Variants in CNTNAP2 observed in about 807,000 individuals in gnomAD.
The protein encoded by CNTNAP2 is contactin associated protein 2, also known as contactin-associated protein-like 2.
In CNTNAP2, 98 loss-of-function variants were observed where a neutral mutation model predicts 155.2. The observed-to-expected ratio is 0.63, with a 90% CI of 0.54 to 0.75. The LOEUF is 0.75. CNTNAP2 is among the 30% of genes least tolerant of loss of function. The pLI, the probability that CNTNAP2 is intolerant of heterozygous loss-of-function variation, is 0.00. For missense variants in CNTNAP2, 1,727 were observed against 1,688.1 expected, an observed-to-expected ratio of 1.02 and a Z score of -0.40; for synonymous variants, 651 against 631.2, an observed-to-expected ratio of 1.03 and a Z score of -0.47.
intron 14 of CNTNAP2, among the ~76,000 whole-genome samples, chr7:147,969,664 A>G (rs2116853308): frequency 6.6e-6 from 1 of 152,302 alleles, no homozygotes; most frequent in East Asian, 1.9e-4. Flanking sequence ...AGGATACAGA[A>G]AGATGGAGCT....
At chr7:146,159,451 G>T (rs943267379) in intron 1 of CNTNAP2, among the ~76,000 whole-genome samples, 1 of 152,062 alleles carries the variant, frequency 6.6e-6, no homozygotes, top group African/African-American at 2.4e-5. Context: ...CTGGCAAATT[G>T]GATAAAGAGT....
intron 11 of CNTNAP2, among the ~76,000 whole-genome samples, chr7:147,504,627 T>C (rs866332876): frequency 3.7e-4 from 56 of 150,334 alleles, no homozygotes; most frequent in African/African-American, 1.2e-3. Context: ...AGGCAGAGGT[T>C]GCAGTGACCC....
intron 12 of CNTNAP2, among the ~76,000 whole-genome samples, chr7:147,564,552 G>A (rs1800129365): frequency 6.6e-6 from 1 of 151,962 alleles, no homozygotes; most frequent in Non-Finnish European, 1.5e-5. Context: ...ATCGTGGCTT[G>A]GACTGGACAA....
At chr7:147,010,429 T>A (rs1220280698) in intron 3 of CNTNAP2, among the ~76,000 whole-genome samples, 2 of 151,850 alleles carry the variant, frequency 1.3e-5, no homozygotes, top group African/African-American at 4.8e-5. Context: ...TTGAAAAAAA[T>A]GATGACTTTT....
In CNTNAP2 at chr7:147,132,476, C is replaced by G; in HGVS notation, c.1315C>G (p.Gln439Glu). 2 of 1,613,630 alleles carry G rather than the reference C, an allele frequency of 1.2e-6. No homozygotes were observed. The highest frequency in any genetic ancestry group is 1.3e-5 in the African/African-American group (1 of 75,002). ...SKVGVHINIT[Q>E]TKMSQIDISS... is the part of the protein sequence containing the mutation. ...AGTGGGTGTTCACATCAACATCACA[C>G]AGACCAAGATGAGCCAAATCGATAT... Residue 439 changes from glutamine (Q) to glutamate (E), a missense_variant, in exon 8 of 24, where the codon CAG (glutamine) becomes GAG (glutamate). Physicochemically the swap from Gln to Glu is conservative, Grantham distance 29. Transcript: ENST00000361727.
intron 1 of CNTNAP2, among the ~76,000 whole-genome samples, chr7:146,721,264 C>CTATATATTCTA (rs1275873213): frequency 0.11 from 13,134 of 124,632 alleles, 1,124 homozygotes; most frequent in African/African-American, 0.17. Flanking sequence ...TATATACTCT[C>CTATATATTCTA]TATATATTCT....
At chr7:146,522,773 T>A (rs1370683634) in intron 1 of CNTNAP2, among the ~76,000 whole-genome samples, 1 of 149,608 alleles carries the variant, frequency 6.7e-6, no homozygotes, top group African/African-American at 2.4e-5. Flanking sequence ...TAATATCTAT[T>A]ATGTTTTAAA....
intron 8 of CNTNAP2, among the ~76,000 whole-genome samples, chr7:147,160,722 T>G (rs1802008739): frequency 6.6e-6 from 1 of 152,128 alleles, no homozygotes; most frequent in Non-Finnish European, 1.5e-5. Context: ...TTACTTATTT[T>G]TATTGTTGTT....
chr7:146,958,711 C>T (rs1012848317), intron 3 of CNTNAP2, among the ~76,000 whole-genome samples: 15 of 151,896 alleles, frequency 9.9e-5, no homozygotes, highest in African/African-American at 3.6e-4. Context: ...CCACGGCCGG[C>T]CCATTTTTAT....
chr7:148,334,005 G>T (rs189578014), intron 21 of CNTNAP2, among the ~76,000 whole-genome samples: 26 of 152,288 alleles, frequency 1.7e-4, no homozygotes, highest in African/African-American at 6.3e-4. Context: ...AGAGTTTTCA[G>T]TTATTCTTAG....
chr7:146,339,450 A>G (rs1801336246), intron 1 of CNTNAP2, among the ~76,000 whole-genome samples: 1 of 152,160 alleles, frequency 6.6e-6, no homozygotes, highest in South Asian at 2.1e-4. Flanking sequence ...GACATGTCCT[A>G]AGATAATTTT....
intron 11 of CNTNAP2, among the ~76,000 whole-genome samples, chr7:147,517,618 A>G (rs1213957596): frequency 6.6e-6 from 1 of 152,250 alleles, no homozygotes; most frequent in African/African-American, 2.4e-5. Context: ...CAAGAGGAAC[A>G]ATAAACAGGA....
chr7:147,899,892 CAAAAA>C (rs11366376), intron 13 of CNTNAP2, among the ~76,000 whole-genome samples: 19 of 141,974 alleles, frequency 1.3e-4, no homozygotes, highest in African/African-American at 3.6e-4. Context: ...GACTCCATCT[CAAAAA>C]AAAAAAAAGA....
In CNTNAP2 at chr7:146,747,163, A is replaced by G. The variant is rs76295393; in HGVS notation, c.98-27108A>G. ...TACTTTATGTGCATGGCTATCTGATAATAATCTTTTGTACTTATAATAGAT... is the reference window on the plus strand; with the variant it reads ...TACTTTATGTGCATGGCTATCTGATGATAATCTTTTGTACTTATAATAGAT... On this transcript the variant is annotated intron_variant, in intron 1 of 23. Coordinates refer to ENST00000361727, the MANE Select transcript of CNTNAP2 (RefSeq NM_014141.6). Among the ~76,000 whole-genome samples the G allele has an allele frequency of 9.6e-3, 1,464 of 152,252 alleles. 21 individuals carry two copies. The highest frequency in any genetic ancestry group is 0.03 in the African/African-American group (1,251 of 41,564).
chr7:146,798,903 T>G (rs1246982508), intron 2 of CNTNAP2, among the ~76,000 whole-genome samples: 1 of 152,136 alleles, frequency 6.6e-6, no homozygotes, highest in Non-Finnish European at 1.5e-5. Flanking sequence ...TTTCTCATAT[T>G]TGTACAGCTG....
At chr7:147,108,944 C>T (rs945625415) in intron 5 of CNTNAP2, among the ~76,000 whole-genome samples, 9 of 151,988 alleles carry the variant, frequency 5.9e-5, no homozygotes, top group African/African-American at 1.9e-4. Context: ...GGAAGGATGC[C>T]GCCGTGCATA....
At chr7:146,646,947 A>G (rs1236047526) in intron 1 of CNTNAP2, among the ~76,000 whole-genome samples, 3 of 152,196 alleles carry the variant, frequency 2.0e-5, no homozygotes, top group Non-Finnish European at 1.5e-5. Flanking sequence ...AAAATCCTAG[A>G]ACACCCTGGA....
At chr7:146,656,869 T>G (rs1043165014) in intron 1 of CNTNAP2, among the ~76,000 whole-genome samples, 2 of 152,210 alleles carry the variant, frequency 1.3e-5, no homozygotes, top group Non-Finnish European at 2.9e-5. Flanking sequence ...TTATGGCTTA[T>G]TATGTCAATC....
Position 148,340,137 on chromosome 7 carries a change from T to A in CNTNAP2, c.3476-43512T>A, listed in dbSNP as rs146085455. Reference sequence around the variant, plus strand: ...TGAGACTTGTTTAAAGAAGGGGACTTCCTTTTTAATTTAGAACAAATTAGT... The same window carrying A: ...TGAGACTTGTTTAAAGAAGGGGACTACCTTTTTAATTTAGAACAAATTAGT... On this transcript the variant is annotated intron_variant, in intron 21 of 23. Transcript: ENST00000361727. Among the ~76,000 whole-genome samples the A allele has an allele frequency of 8.5e-5, 13 of 152,288 alleles. 1 individual carries two copies. The East Asian group carries it at 1.9e-3, about 23-fold the overall frequency.
Sources: gnomAD v4.1 joint callset for allele counts (sites outside exome capture counted in the v4.1 genomes callset) on GRCh38, gnomAD v4.1.1 for gene constraint, MANE v1.5 for transcripts, NCBI Gene and HGNC (gene_info 2026-07-23, HGNC 2026-07-21) for gene names.